The following CLPX variants were observed in gnomAD, a reference collection of about 807,000 sequenced individuals.
The protein encoded by CLPX is caseinolytic mitochondrial matrix peptidase chaperone subunit X.
CLPX carries 34 observed loss-of-function variants against 76.4 expected under a neutral mutation model. That is an observed-to-expected ratio of 0.45 (90% CI 0.34 to 0.59). CLPX has a LOEUF of 0.59. Among genes scored for constraint, CLPX ranks in the 20% least tolerant of loss-of-function variants. The pLI is 0.01. For synonymous variants in CLPX, 248 were observed against 270.9 expected (o/e 0.92, Z 0.83); for missense variants, 613 against 757.0 (o/e 0.81, Z 2.23).
intron 7 of CLPX, chr15:65,158,210 T>C (rs1187532518): frequency 1.6e-5 from 5 of 307,218 alleles, no homozygotes. Flanking sequence ...TTTATAGAGA[T>C]AGAGTCTTGC....
rs911289683 is a variant in CLPX, at chr15:65,148,388, T to C, written c.*2435A>G. 7 of 152,204 alleles carry C rather than the reference T, an allele frequency of 4.6e-5. No homozygotes were observed. The highest frequency in any genetic ancestry group is 1.7e-4 in the African/African-American group (7 of 41,458). The allele number at this position is 152,204 out of a possible 1,614,324, so 9.4% of individuals were successfully genotyped here. On this transcript the variant is annotated 3_prime_UTR_variant, in exon 14 of 14. Coordinates refer to ENST00000300107, the MANE Select transcript of CLPX (RefSeq NM_006660.5). ...TACATTTCTGGAGGATTAACCTTAA[T>C]ATGTTTAGCAGCTAGTCTGATTTCC...
chr15:65,184,185 C>T (rs187619982), intron 1 of CLPX, among the ~76,000 whole-genome samples: 2 of 152,262 alleles, frequency 1.3e-5, no homozygotes, highest in Admixed American at 6.5e-5. Flanking sequence ...CAAAATAAAA[C>T]GAATTTGTCT....
chr15:65,157,718 C>T (rs2087806642), intron 8 of CLPX, 28 bp downstream of exon 8: 1 of 1,590,990 alleles, frequency 6.3e-7, no homozygotes, highest in South Asian at 1.1e-5. Flanking sequence ...TATTCTAAAT[C>T]TGGGGACAGA....
At chr15:65,168,305 ACCCGGGAG>A (rs2087946481) in intron 3 of CLPX, among the ~76,000 whole-genome samples, 2 of 132,750 alleles carry the variant, frequency 1.5e-5, no homozygotes, top group African/African-American at 2.8e-5. Context: ...AATGGTATGA[ACCCGGGAG>A]GTGGAGCTTG....
intron 3 of CLPX, among the ~76,000 whole-genome samples, chr15:65,178,391 C>G (rs1308102545): frequency 6.6e-6 from 1 of 152,148 alleles, no homozygotes; most frequent in Admixed American, 6.6e-5. Flanking sequence ...TAAATTATCT[C>G]TTACACAACA....
chr15:65,180,514 T>C lies in CLPX; in HGVS notation c.80-310A>G, dbSNP rs186864371. 1.1e-4 allele frequency among the ~76,000 whole-genome samples: 16 copies of C among 152,264 alleles called. No homozygotes were observed. The East Asian group carries it at 2.9e-3, about 28-fold the overall frequency. ...TGGACTTCAACATCTGCCTCACCTG[T>C]AAGATTTTGAAAAAGGCCATTTATG... On this transcript the variant is annotated intron_variant, in intron 1 of 13. Coordinates refer to ENST00000300107, the MANE Select transcript of CLPX (RefSeq NM_006660.5).
chr15:65,164,405 A>C (rs543031456), intron 4 of CLPX, among the ~76,000 whole-genome samples: 2 of 152,356 alleles, frequency 1.3e-5, no homozygotes, highest in South Asian at 4.1e-4. Context: ...TTAACAAAGT[A>C]TCACTGTACT....
At chr15:65,154,131 A>G (rs188936345) in intron 11 of CLPX, among the ~76,000 whole-genome samples, 3 of 152,324 alleles carry the variant, frequency 2.0e-5, no homozygotes, top group East Asian at 3.8e-4. Context: ...TAAGAACTTA[A>G]TATCTATTTG....
chr15:65,153,188 G>A (rs1321132992), intron 12 of CLPX, among the ~76,000 whole-genome samples: 6 of 150,942 alleles, frequency 4.0e-5, no homozygotes, highest in Admixed American at 1.3e-4. Flanking sequence ...GGTGGCTCAC[G>A]CCTGTAATCC....
At chr15:65,153,212 G>A (rs1406374869) in intron 12 of CLPX, among the ~76,000 whole-genome samples, 2 of 151,812 alleles carry the variant, frequency 1.3e-5, no homozygotes, top group Non-Finnish European at 2.9e-5. Context: ...CACTTTGGGA[G>A]GCTGAGGCAG....
intron 7 of CLPX, 77 bp downstream of exon 7, chr15:65,158,498 C>G: frequency 1.6e-6 from 2 of 1,232,342 alleles, no homozygotes; most frequent in Non-Finnish European, 2.3e-6. Flanking sequence ...ATACTTCAAT[C>G]GCAAGATACA....
intron 3 of CLPX, among the ~76,000 whole-genome samples, chr15:65,178,448 A>G (rs1156798731): frequency 1.3e-5 from 2 of 152,254 alleles, no homozygotes; most frequent in African/African-American, 4.8e-5. Flanking sequence ...TATAGTGAAC[A>G]TAAGAGAGAA....
intron 4 of CLPX, among the ~76,000 whole-genome samples, chr15:65,165,905 C>G (rs560836515): frequency 3.9e-4 from 59 of 152,272 alleles, no homozygotes; most frequent in African/African-American, 1.3e-3. Context: ...GCACTGATAT[C>G]TAAACACAGT....
chr15:65,175,205 G>A (rs145376873), intron 3 of CLPX, among the ~76,000 whole-genome samples: 1 of 152,334 alleles, frequency 6.6e-6, no homozygotes, highest in African/African-American at 2.4e-5. Flanking sequence ...TAAAATGCAG[G>A]CCAGGCATGG....
At chr15:65,152,302 T>G in intron 13 of CLPX, 128 bp downstream of exon 13, 1 of 389,854 alleles carries the variant, frequency 2.6e-6, no homozygotes, top group Non-Finnish European at 4.5e-6. Flanking sequence ...TACAGAAAAC[T>G]TGAGATTATT....
In CLPX at chr15:65,185,148, G is replaced by A. The variant is rs565988263; in HGVS notation, c.6C>T (p.Pro2=). The part of the protein sequence containing the change: M[P]SCGACTCGAA... ...CGCCGCAAGTACAAGCACCGCAGCT[G>A]GGCATCTCCGCGAGGCCTAGGCCGG... Residue 2 remains proline (P), a synonymous_variant, in exon 1 of 14, where the codon CCC becomes CCT. Transcript: ENST00000300107. 14 of 1,566,872 alleles carry A rather than the reference G, an allele frequency of 8.9e-6. No individual in the cohort carries two copies. The highest frequency in any genetic ancestry group is 8.2e-5 in the South Asian group (7 of 85,154).
intron 3 of CLPX, among the ~76,000 whole-genome samples, chr15:65,174,232 C>T (rs982451417): frequency 7.9e-5 from 12 of 151,330 alleles, no homozygotes; most frequent in Middle Eastern, 6.9e-3. Flanking sequence ...CTTGGCCTCC[C>T]AAAGTGCTGG....
At chr15:65,155,967 A>G (rs2087785052) in intron 9 of CLPX, 111 bp from the exon 10 acceptor site, 1 of 861,620 alleles carries the variant, frequency 1.2e-6, no homozygotes, top group Non-Finnish European at 1.8e-6. Context: ...GTCAATGCAC[A>G]TACCTAATGA....
At chr15:65,159,867 C>T (rs1239017668) in intron 6 of CLPX, among the ~76,000 whole-genome samples, 1 of 149,596 alleles carries the variant, frequency 6.7e-6, no homozygotes, top group African/African-American at 2.5e-5. Context: ...GGCTGGAGTG[C>T]AGTGGTGCAA....
Sources: gnomAD v4.1 joint callset for allele counts (sites outside exome capture counted in the v4.1 genomes callset) on GRCh38, gnomAD v4.1.1 for gene constraint, MANE v1.5 for transcripts, NCBI Gene and HGNC (gene_info 2026-07-23, HGNC 2026-07-21) for gene names.